The following MINDY2 variants were observed in gnomAD, a reference collection of about 807,000 sequenced individuals.
MINDY2 encodes ubiquitin carboxyl-terminal hydrolase MINDY-2.
In MINDY2, 52 loss-of-function variants were observed where a neutral mutation model predicts 68.2. That is an observed-to-expected ratio of 0.76 (90% CI 0.61 to 0.96). The LOEUF is 0.96. MINDY2 is among the 40% of genes least tolerant of loss of function. The pLI is 0.00. For missense variants in MINDY2, 881 were observed against 773.4 expected (o/e 1.14, Z -1.65); for synonymous variants, 372 against 303.0 (o/e 1.23, Z -2.36).
At chr15:58,838,581 GA>G (rs2032116589) in intron 6 of MINDY2, among the ~76,000 whole-genome samples, 2 of 100,564 alleles carry the variant, frequency 2.0e-5, no homozygotes, top group Admixed American at 1.1e-4. Flanking sequence ...ACTTTTTAGG[GA>G]TTTTTTTTTT....
intron 3 of MINDY2, among the ~76,000 whole-genome samples, chr15:58,808,053 C>G (rs1431793628): frequency 6.6e-6 from 1 of 151,920 alleles, no homozygotes; most frequent in African/African-American, 2.4e-5. Context: ...TCCCTTCCTT[C>G]CATCCTTCCT....
intron 1 of MINDY2, among the ~76,000 whole-genome samples, chr15:58,779,011 C>T (rs1024380821): frequency 1.3e-5 from 2 of 151,738 alleles, no homozygotes; most frequent in African/African-American, 4.8e-5. Context: ...ACCTGCCCGC[C>T]TCAGCCTTCC....
rs545174067 is a variant in MINDY2, at chr15:58,859,126, A to C, written c.*4516A>C. 6.6e-6 allele frequency: 1 copy of C among 152,090 alleles called. No individual in the cohort carries two copies. The highest frequency in any genetic ancestry group is 1.5e-5 in the Non-Finnish European group (1 of 67,962). 9.4% of individuals were successfully genotyped at this position (152,090 alleles called of 1,614,324 possible). On this transcript the variant is annotated 3_prime_UTR_variant, in exon 9 of 9. Coordinates refer to ENST00000559228, the MANE Select transcript of MINDY2 (RefSeq NM_001040450.3). ...GTCAAAATTTGTAGAATTTTCTTTG[A>C]GTATGGCGTGATCTCTTCCCAAATG...
chr15:58,811,372 G>C (rs1302236074), intron 4 of MINDY2, among the ~76,000 whole-genome samples: 1 of 152,170 alleles, frequency 6.6e-6, no homozygotes, highest in Non-Finnish European at 1.5e-5. Flanking sequence ...TCAGGGTCCT[G>C]GCAGGAAGTA....
intron 1 of MINDY2, among the ~76,000 whole-genome samples, chr15:58,772,807 T>G (rs1316157474): frequency 6.6e-6 from 1 of 152,234 alleles, no homozygotes; most frequent in South Asian, 2.1e-4. Flanking sequence ...TTTCAAAGAT[T>G]GTTTTCATTT....
intron 2 of MINDY2, 75 bp from the exon 3 acceptor site, chr15:58,802,238 A>T: frequency 1.1e-6 from 1 of 940,546 alleles, no homozygotes; most frequent in Non-Finnish European, 1.6e-6. Flanking sequence ...ATTTATAATT[A>T]AGATCTATTA....
rs936360803 is a variant in MINDY2 at position 58,851,935 on chromosome 15, T to A, written c.1707T>A (p.Ala569=). The change falls in exon 8 of 9, where the codon GCT becomes GCA. Residue 569 remains alanine, a synonymous_variant. Transcript: ENST00000559228. ...QYYQEQEQAA[A]AAAAASTQAQ... Reference sequence around the variant, plus strand: ...ATCAGGAACAGGAACAAGCAGCAGCTGCTGCTGCTGCTGCTTCTACACAGG... The same window carrying A: ...ATCAGGAACAGGAACAAGCAGCAGCAGCTGCTGCTGCTGCTTCTACACAGG... 3.5e-5 allele frequency: 54 copies of A among 1,539,282 alleles called. No homozygotes were observed. The highest frequency in any genetic ancestry group is 4.3e-5 in the Non-Finnish European group (49 of 1,139,228).
intron 5 of MINDY2, among the ~76,000 whole-genome samples, chr15:58,824,671 CTTTT>C (rs559754099): frequency 1.5e-5 from 2 of 135,166 alleles, no homozygotes; most frequent in Admixed American, 7.5e-5. Flanking sequence ...ATCATATTAT[CTTTT>C]TTTTTTTTTT....
chr15:58,771,413 G>A lies in MINDY2; in HGVS notation c.18G>A (p.Glu6=). The A allele has an allele frequency of 1.2e-6, 2 of 1,610,842 alleles. No homozygotes were observed. The highest frequency in any genetic ancestry group is 1.7e-6 in the Non-Finnish European group (2 of 1,179,266). Residue 6 remains glutamate (E), a synonymous_variant, in exon 1 of 9, where the codon GAG becomes GAA. Coordinates refer to ENST00000559228, the MANE Select transcript of MINDY2 (RefSeq NM_001040450.3). ...GGCCCGGTATGGAGAGCAGCCCCGA[G>A]AGCCTGCAGCCGCTAGAACACGGGG... The part of the protein sequence containing the change: MESSP[E]SLQPLEHGVA...
intron 2 of MINDY2, among the ~76,000 whole-genome samples, chr15:58,799,601 A>G (rs1298909120): frequency 1.3e-5 from 2 of 150,678 alleles, no homozygotes; most frequent in African/African-American, 4.9e-5. Flanking sequence ...AAAAGCAAAC[A>G]CTAGTAGAGG....
At position 58,854,510 on chromosome 15, in the gene MINDY2, C is replaced by T; in HGVS notation, c.1766C>T (p.Ser589Leu). 1.2e-6 allele frequency: 2 copies of T among 1,613,500 alleles called. No individual in the cohort carries two copies. The highest frequency in any genetic ancestry group is 1.7e-6 in the Non-Finnish European group (2 of 1,179,780). ...GGCCAGCCAGCACAAGCCTCTCCATCAAGTGGAAGACAATCTGGGAATAGT... is the reference window on the plus strand; with the variant it reads ...GGCCAGCCAGCACAAGCCTCTCCATTAAGTGGAAGACAATCTGGGAATAGT... Reference protein sequence around the residue: ...QQGQPAQASPSSGRQSGNSER... With the variant: ...QQGQPAQASPLSGRQSGNSER... The change falls in exon 9 of 9, where the codon TCA becomes TTA. Residue 589 changes from serine to leucine, a missense_variant. Transcript: ENST00000559228.
intron 6 of MINDY2, among the ~76,000 whole-genome samples, chr15:58,833,884 TGTCGGGCTGCCGGACGGTCAG>T (rs1387814136): frequency 6.6e-6 from 1 of 152,124 alleles, no homozygotes; most frequent in Non-Finnish European, 1.5e-5. Flanking sequence ...CCTTTATGGG[TGTCGGGCTGCCGGACGGTCAG>T]GTCTTTCCCT....
intron 4 of MINDY2, among the ~76,000 whole-genome samples, chr15:58,815,967 C>G (rs1458739815): frequency 2.0e-5 from 3 of 152,148 alleles, no homozygotes; most frequent in African/African-American, 7.2e-5. Flanking sequence ...CGTGAGCCAC[C>G]ACGCCCAGCC....
At chr15:58,789,571 C>T (rs1162584432) in intron 2 of MINDY2, among the ~76,000 whole-genome samples, 2 of 152,042 alleles carry the variant, frequency 1.3e-5, no homozygotes, top group African/African-American at 2.4e-5. Context: ...GATCCTCCCA[C>T]CTCAGCCTCC....
At chr15:58,841,043 A>G (rs1450987973) in intron 6 of MINDY2, among the ~76,000 whole-genome samples, 5 of 149,156 alleles carry the variant, frequency 3.4e-5, no homozygotes, top group African/African-American at 1.2e-4. Flanking sequence ...GTGCAGTGGC[A>G]TGATCTTGGC....
chr15:58,854,560 GA>G lies in MINDY2; in HGVS notation c.1821del (p.Asp608IlefsTer49). On this transcript the variant is annotated frameshift_variant, in exon 9 of 9. Transcript: ENST00000559228. LOFTEE classifies it high-confidence loss of function. Reference protein sequence around the residue: ...NSERKRKEPREKDKEKEKEKN... With the variant: ...NSERKRKEPRXKDKEKEKEKN... The stretch of plus-strand genomic sequence containing the variant: ...TGAACGTAAACGGAAGGAACCACGA[GA>G]AAAAGATAAAGAAAAAGAAAAGGAA... 6.2e-7 allele frequency: 1 copy of G among 1,613,122 alleles called. No individual in the cohort carries two copies. Among genetic ancestry groups the G allele is most frequent in the Non-Finnish European group, 8.5e-7 (1 of 1,179,774 alleles).
chr15:58,842,884 C>T (rs1229659500), intron 6 of MINDY2, among the ~76,000 whole-genome samples: 1 of 152,126 alleles, frequency 6.6e-6, no homozygotes, highest in East Asian at 1.9e-4. Context: ...TCAGCATTTC[C>T]AGTGTGACTT....
chr15:58,776,295 C>G (rs1900766241), intron 1 of MINDY2, among the ~76,000 whole-genome samples: 1 of 152,162 alleles, frequency 6.6e-6, no homozygotes, highest in Admixed American at 6.5e-5. Flanking sequence ...AACATCCTCT[C>G]CATCCTGCCT....
intron 2 of MINDY2, among the ~76,000 whole-genome samples, chr15:58,799,843 T>C (rs1049551052): frequency 2.0e-5 from 3 of 151,916 alleles, no homozygotes; most frequent in African/African-American, 7.3e-5. Flanking sequence ...TAAAGTAAGG[T>C]GTGGAAGAGA....
Sources: gnomAD v4.1 joint callset for allele counts (sites outside exome capture counted in the v4.1 genomes callset) on GRCh38, gnomAD v4.1.1 for gene constraint, MANE v1.5 for transcripts, NCBI Gene and HGNC (gene_info 2026-07-23, HGNC 2026-07-21) for gene names.